The following TBX15 variants were observed in gnomAD, a reference collection of about 807,000 sequenced individuals.
TBX15 encodes T-box transcription factor TBX15.
A neutral mutation model predicts 53.9 loss-of-function variants in TBX15; 18 were observed. The ratio of observed to expected loss-of-function variants is 0.33; its 90% CI spans 0.23 to 0.49. TBX15 has a LOEUF of 0.49. Ranked by LOEUF, TBX15 falls within the 20% of genes least tolerant of loss-of-function variation. The pLI is 0.98. For synonymous variants in TBX15, 295 were observed against 278.0 expected, an observed-to-expected ratio of 1.06 and a Z score of -0.61; for missense variants, 692 against 749.5, an observed-to-expected ratio of 0.92 and a Z score of 0.90.
intron 7 of TBX15, among the ~76,000 whole-genome samples, chr1:118,894,004 C>A (rs1654308256): frequency 6.6e-6 from 1 of 152,154 alleles, no homozygotes; most frequent in African/African-American, 2.4e-5. Flanking sequence ...GGATACTTGG[C>A]CTACTCTGGA....
intron 3 of TBX15, among the ~76,000 whole-genome samples, chr1:118,925,949 G>C (rs778972941): frequency 2.3e-4 from 35 of 151,882 alleles, no homozygotes; most frequent in Admixed American, 1.6e-3. Context: ...AGCCATCCAA[G>C]AGACATGGAG....
chr1:118,971,313 C>A (rs1262999640), intron 1 of TBX15, among the ~76,000 whole-genome samples: 2 of 152,144 alleles, frequency 1.3e-5, no homozygotes, highest in Non-Finnish European at 2.9e-5. Flanking sequence ...ATAGAGAGAT[C>A]AACAGACACA....
chr1:118,884,325 T>G lies in TBX15; in HGVS notation c.*407A>C. The G allele has an allele frequency of 4.2e-6, 1 of 235,964 alleles. No individual in the cohort carries two copies. The highest frequency in any genetic ancestry group is 8.4e-6 in the Non-Finnish European group (1 of 119,044). 14.6% of individuals were successfully genotyped at this position (235,964 alleles called of 1,614,324 possible). ...TGATTGCATGTGTATGAATTGTGTA[T>G]GAATATGTATGTGTGTGTGCACGTA... On this transcript the variant is annotated 3_prime_UTR_variant, in exon 8 of 8. Transcript: ENST00000369429.
intron 1 of TBX15, among the ~76,000 whole-genome samples, chr1:118,958,496 G>A (rs1656766646): frequency 6.6e-6 from 1 of 152,118 alleles, no homozygotes; most frequent in Non-Finnish European, 1.5e-5. Flanking sequence ...ATATTTTGAT[G>A]TTTAGTTCAA....
rs759483827 is a variant in TBX15, at chr1:118,987,756, G to T, written c.40C>A (p.Arg14=). 6.5e-7 allele frequency: 1 copy of T among 1,550,276 alleles called. No individual in the cohort carries two copies. Among genetic ancestry groups the T allele is most frequent in the Non-Finnish European group, 8.7e-7 (1 of 1,146,838 alleles). Reference sequence around the variant, plus strand: ...GCTTCAACGGAGAAGGCATGTGCTCGCGAGCTCAGGGCGACTGCAGATCTT... The same window carrying T: ...GCTTCAACGGAGAAGGCATGTGCTCTCGAGCTCAGGGCGACTGCAGATCTT... ...RRRSAVALSS[R]AHAFSVEALI... is the part of the protein sequence containing the mutation. The change falls in exon 1 of 8, where the codon CGA becomes AGA. Residue 14 remains arginine (R), a synonymous_variant. Transcript: ENST00000369429.
intron 1 of TBX15, among the ~76,000 whole-genome samples, chr1:118,952,354 A>G (rs1306377831): frequency 6.6e-6 from 1 of 152,152 alleles, no homozygotes; most frequent in Non-Finnish European, 1.5e-5. Flanking sequence ...TTGGCTACAT[A>G]GGGAGTCAGC....
rs1273286467 is a variant in TBX15, at chr1:118,885,032, C to G, written c.1509G>C (p.Gln503His). ...PHMFGGSHMQ[Q>H]SSYNAFSLHN... ...GAAGGGAGAAGGCATTGTAGGAGCT[C>G]TGCTGCATGTGGCTGCCCCCGAACA... Residue 503 changes from glutamine to histidine, a missense_variant, in exon 8 of 8, where the codon CAG (glutamine) becomes CAC (histidine). By Grantham distance (24) the Gln-to-His change is conservative. Transcript: ENST00000369429. 4 of 1,614,012 alleles carry G rather than the reference C, an allele frequency of 2.5e-6. No individual in the cohort carries two copies. In the African/African-American group the frequency reaches 5.3e-5, roughly 22 times the overall value.
At chr1:118,978,808 G>A (rs1049173687) in intron 1 of TBX15, among the ~76,000 whole-genome samples, 2 of 152,052 alleles carry the variant, frequency 1.3e-5, no homozygotes, top group Admixed American at 6.5e-5. Flanking sequence ...TTTCTAAATA[G>A]TACGTATAGC....
In TBX15 at chr1:118,987,555, C is replaced by A. The variant is rs1240612255; in HGVS notation, c.205+36G>T. The A allele has an allele frequency of 3.3e-6, 5 of 1,533,906 alleles. No homozygotes were observed. In the African/African-American group the frequency reaches 4.1e-5, roughly 13 times the overall value. ...CGACTGGCCCTTCGGCGTCCCCTCT[C>A]CGCCCGCCTCCCGCGGTCGGCTGCG... is the stretch of plus-strand genomic sequence containing the variant. On this transcript the variant is annotated intron_variant, in intron 1 of 7. Transcript: ENST00000369429.
intron 6 of TBX15, chr1:118,901,455 TGGG>T: frequency 2.2e-6 from 1 of 455,530 alleles, no homozygotes; most frequent in South Asian, 1.6e-5. Context: ...ACATAAACTT[TGGG>T]GGACATATTC....
intron 1 of TBX15, among the ~76,000 whole-genome samples, chr1:118,971,660 G>A (rs375830657): frequency 3.3e-5 from 5 of 152,070 alleles, no homozygotes; most frequent in African/African-American, 9.7e-5. Context: ...ATTCATCTAC[G>A]ACCAATTCTA....
rs1654765076 is a variant in TBX15 at position 118,904,980 on chromosome 1, A to C, written c.927-5855T>G. ...ATCATAATACTTCCTCCTAACTGTG[A>C]TTTAATAAATGCAGACTGATTAAAG... On this transcript the variant is annotated intron_variant, in intron 6 of 7. Coordinates refer to ENST00000369429, the MANE Select transcript of TBX15 (RefSeq NM_001330677.2). Among the ~76,000 whole-genome samples the C allele has an allele frequency of 4.6e-5, 7 of 152,328 alleles. No individual in the cohort carries two copies. In the South Asian group the frequency reaches 1.4e-3, roughly 32 times the overall value.
Position 118,885,402 on chromosome 1 carries a change from T to C in TBX15, c.1139A>G (p.Asn380Ser). Residue 380 changes from asparagine (N) to serine (S), a missense_variant, in exon 8 of 8, where the codon AAC becomes AGC. By Grantham distance (46) the Asn-to-Ser change is conservative. Transcript: ENST00000369429. ...TTCTCGGCAGCCCACATTGAAAGTG[T>C]TGGGGGCCAGATGAAAAGTTGGAGG... ...CSPPTFHLAPNTFNVGCRESQ... is the reference protein window; with the variant it reads ...CSPPTFHLAPSTFNVGCRESQ... 6.2e-7 allele frequency: 1 copy of C among 1,613,922 alleles called. No individual in the cohort carries two copies. Among genetic ancestry groups the C allele is most frequent in the Non-Finnish European group, 8.5e-7 (1 of 1,179,998 alleles).
intron 6 of TBX15, among the ~76,000 whole-genome samples, chr1:118,907,536 G>C (rs1654880748): frequency 6.6e-6 from 1 of 152,226 alleles, no homozygotes; most frequent in African/African-American, 2.4e-5. Flanking sequence ...TGGGATGAAA[G>C]ATGCAGTCTC....
intron 1 of TBX15, among the ~76,000 whole-genome samples, chr1:118,965,305 T>A (rs1657002388): frequency 6.6e-6 from 1 of 152,210 alleles, no homozygotes; most frequent in South Asian, 2.1e-4. Flanking sequence ...AAACTTAAGC[T>A]CTGTATCTGG....
At chr1:118,946,397 G>T (rs1218090075) in intron 1 of TBX15, among the ~76,000 whole-genome samples, 1 of 152,104 alleles carries the variant, frequency 6.6e-6, no homozygotes, top group African/African-American at 2.4e-5. Context: ...GTGCTTTTCT[G>T]GGGCAAGGAT....
chr1:118,931,484 C>T (rs1655777565), intron 2 of TBX15, 135 bp downstream of exon 2: 1 of 906,846 alleles, frequency 1.1e-6, no homozygotes, highest in African/African-American at 1.7e-5. Flanking sequence ...ACCAAGATGT[C>T]CAAATGCAGA....
intron 7 of TBX15, among the ~76,000 whole-genome samples, chr1:118,892,276 CT>C (rs1282188880): frequency 6.6e-6 from 1 of 152,282 alleles, no homozygotes; most frequent in Non-Finnish European, 1.5e-5. Context: ...ATGCTGGAAA[CT>C]TTTCAAGATG....
chr1:118,948,656 C>T (rs377379865), intron 1 of TBX15, among the ~76,000 whole-genome samples: 3 of 152,182 alleles, frequency 2.0e-5, no homozygotes, highest in East Asian at 3.9e-4. Flanking sequence ...ATGTTTGCAA[C>T]TGTTTTTCAA....
Sources: allele counts gnomAD v4.1 joint callset (sites outside exome capture counted in the v4.1 genomes callset), GRCh38; gene constraint gnomAD v4.1.1; transcripts MANE v1.5; gene names NCBI Gene and HGNC (gene_info 2026-07-23, HGNC 2026-07-21).